The following DNAJC10 variants were observed in gnomAD, a reference collection of about 807,000 sequenced individuals.
The protein encoded by DNAJC10 is DnaJ heat shock protein family (Hsp40) member C10.
In DNAJC10, 101 loss-of-function variants were observed where a neutral mutation model predicts 115.0. The observed-to-expected ratio is 0.88, with a 90% CI of 0.75 to 1.04. The LOEUF is 1.04. Ranked by LOEUF, DNAJC10 falls within the 50% of genes least tolerant of loss-of-function variation. The pLI is 0.00. For missense variants in DNAJC10, 981 were observed against 928.8 expected (o/e 1.06, Z -0.73); for synonymous variants, 307 against 301.5 (o/e 1.02, Z -0.19).
intron 18 of DNAJC10, among the ~76,000 whole-genome samples, 194 bp downstream of exon 18, chr2:182,756,663 A>G (rs1694163837): frequency 6.6e-6 from 1 of 151,830 alleles, no homozygotes; most frequent in Admixed American, 6.6e-5. Flanking sequence ...TTGTGTGTAT[A>G]GCATCTGGTA....
chr2:182,740,748 A>T (rs1037404722), intron 12 of DNAJC10, among the ~76,000 whole-genome samples: 3 of 152,172 alleles, frequency 2.0e-5, no homozygotes, highest in African/African-American at 7.2e-5. Context: ...TTATGGATAG[A>T]ATGCTGAGAA....
chr2:182,764,754 C>G (rs1275701395), intron 22 of DNAJC10, among the ~76,000 whole-genome samples: 1 of 152,100 alleles, frequency 6.6e-6, no homozygotes, highest in Non-Finnish European at 1.5e-5. Flanking sequence ...TAGTAATATA[C>G]TCACCATGGG....
At chr2:182,724,875 A>G (rs1356389719) in intron 5 of DNAJC10, among the ~76,000 whole-genome samples, 1 of 152,202 alleles carries the variant, frequency 6.6e-6, no homozygotes, top group African/African-American at 2.4e-5. Context: ...CTTGGCAAAT[A>G]TGAGAAGTGC....
intron 14 of DNAJC10, among the ~76,000 whole-genome samples, chr2:182,749,404 T>A (rs1048305747): frequency 6.7e-6 from 1 of 148,338 alleles, no homozygotes; most frequent in Non-Finnish European, 1.5e-5. Context: ...CCTTTACCAT[T>A]AGGTAATGGC....
intron 11 of DNAJC10, 26 bp from the exon 12 acceptor site, chr2:182,740,273 A>T: frequency 2.2e-6 from 3 of 1,346,818 alleles, no homozygotes; most frequent in Non-Finnish European, 3.0e-6. Context: ...ATTCAAAAAG[A>T]TTACAATGTG....
At chr2:182,769,145 G>A (rs1032450954) in intron 22 of DNAJC10, among the ~76,000 whole-genome samples, 1 of 152,110 alleles carries the variant, frequency 6.6e-6, no homozygotes, top group Admixed American at 6.5e-5. Flanking sequence ...TCCCTGCAAA[G>A]GACATGAACG....
intron 4 of DNAJC10, among the ~76,000 whole-genome samples, chr2:182,720,845 T>A (rs576655763): frequency 6.6e-6 from 1 of 152,228 alleles, no homozygotes; most frequent in East Asian, 1.9e-4. Context: ...AAACTTCAAG[T>A]TTAGTAATGA....
At chr2:182,732,069 C>G (rs1185912017) in intron 9 of DNAJC10, among the ~76,000 whole-genome samples, 3 of 152,164 alleles carry the variant, frequency 2.0e-5, no homozygotes, top group Admixed American at 1.3e-4. Context: ...GCAGAACTTT[C>G]ATAAAAATAG....
At chr2:182,719,970 C>T in intron 3 of DNAJC10, 37 bp from the exon 4 acceptor site, 1 of 1,237,490 alleles carries the variant, frequency 8.1e-7, no homozygotes, top group Non-Finnish European at 1.1e-6. Flanking sequence ...GATTGTGTAT[C>T]TGAAATAATT....
intron 22 of DNAJC10, among the ~76,000 whole-genome samples, chr2:182,774,309 A>T (rs1285466891): frequency 6.6e-6 from 1 of 152,104 alleles, no homozygotes; most frequent in East Asian, 1.9e-4. Flanking sequence ...GGGATCAGGG[A>T]CTCACTTGAA....
At chr2:182,730,069 A>G in intron 8 of DNAJC10, 128 bp downstream of exon 8, 1 of 595,594 alleles carries the variant, frequency 1.7e-6, no homozygotes, top group Admixed American at 3.3e-5. Context: ...TGTTTCTTAG[A>G]AGGGAATTGT....
chr2:182,733,642 C>T (rs188203575), intron 10 of DNAJC10, among the ~76,000 whole-genome samples: 1 of 149,002 alleles, frequency 6.7e-6, no homozygotes, highest in Non-Finnish European at 1.5e-5. Flanking sequence ...CTCTTTTTCT[C>T]TTCTTTGGAA....
intron 22 of DNAJC10, among the ~76,000 whole-genome samples, chr2:182,765,601 T>A (rs288294): frequency 8.6e-5 from 13 of 152,008 alleles, no homozygotes; most frequent in Non-Finnish European, 1.9e-4. Context: ...GCCTGTTGAT[T>A]CAATTTCTTT....
intron 5 of DNAJC10, among the ~76,000 whole-genome samples, chr2:182,723,118 C>T (rs1378008413): frequency 1.4e-5 from 2 of 140,358 alleles, no homozygotes; most frequent in African/African-American, 5.4e-5. Context: ...TGGCTCACTG[C>T]AACCTCTGCC....
intron 22 of DNAJC10, among the ~76,000 whole-genome samples, chr2:182,765,413 A>C (rs764729988): frequency 1.3e-5 from 2 of 152,192 alleles, no homozygotes; most frequent in Non-Finnish European, 2.9e-5. Flanking sequence ...GATTTAAAAC[A>C]TGACTCCAAT....
At chr2:182,737,659 C>G (rs1424971177) in intron 11 of DNAJC10, among the ~76,000 whole-genome samples, 2 of 152,112 alleles carry the variant, frequency 1.3e-5, no homozygotes, top group Non-Finnish European at 2.9e-5. Context: ...ACTTACATAT[C>G]ACTGCTCATT....
chr2:182,726,969 G>T (rs914133029), intron 5 of DNAJC10, among the ~76,000 whole-genome samples: 3 of 152,030 alleles, frequency 2.0e-5, no homozygotes, highest in East Asian at 1.9e-4. Flanking sequence ...TGATCCTCCT[G>T]TCTCAGCCTC....
At chr2:182,717,648 C>G (rs1201807942) in intron 2 of DNAJC10, among the ~76,000 whole-genome samples, 1 of 152,198 alleles carries the variant, frequency 6.6e-6, no homozygotes, top group Non-Finnish European at 1.5e-5. Flanking sequence ...ACCTGTAGCT[C>G]ATTGCCACCT....
chr2:182,744,805 C>A (rs902469959), intron 14 of DNAJC10, among the ~76,000 whole-genome samples: 1 of 152,166 alleles, frequency 6.6e-6, no homozygotes, highest in African/African-American at 2.4e-5. Flanking sequence ...TTGTCTGACT[C>A]CAAAACCTAG....
Sources: gnomAD v4.1 joint callset for allele counts (sites outside exome capture counted in the v4.1 genomes callset) on GRCh38, gnomAD v4.1.1 for gene constraint, MANE v1.5 for transcripts, NCBI Gene and HGNC (gene_info 2026-07-23, HGNC 2026-07-21) for gene names.